The following WAPL variants were observed in gnomAD, a reference collection of about 807,000 sequenced individuals.
WAPL encodes the protein wings apart-like protein homolog.
In WAPL, 5 loss-of-function variants were observed where a neutral mutation model predicts 121.0. The observed-to-expected ratio is 0.04, with a 90% CI of 0.02 to 0.09. The LOEUF (loss-of-function observed/expected upper bound fraction) is 0.09, where lower values mean the gene tolerates loss of function less well. Ranked by LOEUF, WAPL falls within the 10% of genes least tolerant of loss-of-function variation. WAPL has a pLI of 1.00. For missense variants in WAPL, 999 were observed against 1,410.8 expected (o/e 0.71, Z 4.68); for synonymous variants, 480 against 481.5 (o/e 1.00, Z 0.04).
rs148929070 is a variant in WAPL at position 86,465,999 on chromosome 10, A to C, written c.2370+1280T>G. ...CTTCTACTGGCCTAGAAGTGGATGGAATCACCAATATGTGAATGGAACATA... is the reference window on the plus strand; with the variant it reads ...CTTCTACTGGCCTAGAAGTGGATGGCATCACCAATATGTGAATGGAACATA... On this transcript the variant is annotated intron_variant, in intron 9 of 18. Transcript: ENST00000298767. Among the ~76,000 whole-genome samples, 678 of 152,308 alleles carry C rather than the reference A, an allele frequency of 4.5e-3. 7 individuals carry two copies. The highest frequency in any genetic ancestry group is 0.017 in the Middle Eastern group (5 of 294).
intron 12 of WAPL, among the ~76,000 whole-genome samples, chr10:86,454,181 A>C (rs898126753): frequency 6.6e-6 from 1 of 152,258 alleles, no homozygotes; most frequent in African/African-American, 2.4e-5. Context: ...CTACATAACA[A>C]ATGTTAATGT....
intron 2 of WAPL, among the ~76,000 whole-genome samples, chr10:86,509,623 G>A (rs1842416768): frequency 6.6e-6 from 1 of 152,164 alleles, no homozygotes; most frequent in South Asian, 2.1e-4. Context: ...TAGCTGGAAG[G>A]AGGCATCCCC....
intron 17 of WAPL, among the ~76,000 whole-genome samples, chr10:86,442,037 C>CT (rs146316949): frequency 0.08 from 12,079 of 151,204 alleles, 869 homozygotes; most frequent in East Asian, 0.38. Context: ...TTCTTTTCTT[C>CT]TTTTTTTTTG....
Position 86,482,540 on chromosome 10 carries a change from C to A in WAPL, c.1645-8567G>T, listed in dbSNP as rs560902287. On this transcript the variant is annotated intron_variant, in intron 4 of 18. Coordinates refer to ENST00000298767, the MANE Select transcript of WAPL (RefSeq NM_015045.5). ...TCCACTAAAGAGAATCATTACTCCT[C>A]GGAGAATGGACCTGATCCCGAGCCT... is the stretch of plus-strand genomic sequence containing the variant. Among the ~76,000 whole-genome samples the A allele has an allele frequency of 5.3e-5, 8 of 152,270 alleles. No individual in the cohort carries two copies. In the East Asian group the frequency reaches 1.5e-3, roughly 29 times the overall value.
intron 2 of WAPL, among the ~76,000 whole-genome samples, chr10:86,510,482 A>G (rs1303040515): frequency 6.6e-6 from 1 of 152,246 alleles, no homozygotes; most frequent in East Asian, 1.9e-4. Context: ...TATCATGACC[A>G]GCAGAAGTCA....
Position 86,453,737 on chromosome 10 carries a change from C to G in WAPL, c.2752G>C (p.Val918Leu). 1 of 1,614,176 alleles carries G rather than the reference C, an allele frequency of 6.2e-7. No individual in the cohort carries two copies. The highest frequency in any genetic ancestry group is 8.5e-7 in the Non-Finnish European group (1 of 1,180,038). The change falls in exon 13 of 19, where the codon GTA becomes CTA. Residue 918 changes from valine to leucine, a missense_variant. Physicochemically the swap from Val to Leu is conservative, Grantham distance 32. This residue lies in a region of WAPL where 85 missense variants were observed against 133.5 expected (regional missense o/e 0.64). Transcript: ENST00000298767. ...ACTGCTTTGCCTACATGGTTAGTTA[C>G]ATTCTGGTGAGGCAGAGGCTTACTG... ...ADSKPLPHQN[V>L]TNHVGKAVED...
At position 86,458,977 on chromosome 10, in the gene WAPL, C is replaced by T. The variant is rs1841211237; in HGVS notation, c.2657+12G>A. 2 of 1,593,156 alleles carry T rather than the reference C, an allele frequency of 1.3e-6. No individual in the cohort carries two copies. The highest frequency in any genetic ancestry group is 1.3e-5 in the African/African-American group (1 of 74,150). ...ACAATGTTAGTTGTTAACTAATAAA[C>T]AAAAAACTTACTTAGCTGATGAAAC... On this transcript the variant is annotated intron_variant, in intron 12 of 18. Transcript: ENST00000298767.
chr10:86,471,166 T>C, intron 7 of WAPL, 63 bp from the exon 8 acceptor site: 2 of 1,366,452 alleles, frequency 1.5e-6, no homozygotes, highest in South Asian at 1.2e-5. Flanking sequence ...TTTGAGTTTG[T>C]GTAATACCAA....
intron 2 of WAPL, among the ~76,000 whole-genome samples, chr10:86,512,557 A>C (rs993793512): frequency 6.6e-6 from 1 of 152,214 alleles, no homozygotes; most frequent in South Asian, 2.1e-4. Flanking sequence ...TCAAACCATT[A>C]AGGAATACCT....
At chr10:86,441,361 G>C (rs531403406) in intron 17 of WAPL, among the ~76,000 whole-genome samples, 23 of 152,190 alleles carry the variant, frequency 1.5e-4, no homozygotes, top group African/African-American at 5.3e-4. Flanking sequence ...CTAGACATTT[G>C]TATTTCTCCT....
chr10:86,470,200 T>A (rs1239107635), intron 8 of WAPL, among the ~76,000 whole-genome samples: 3 of 151,998 alleles, frequency 2.0e-5, no homozygotes, highest in African/African-American at 7.2e-5. Context: ...ACCCAGCTAA[T>A]TTTTTGTATT....
At chr10:86,491,082 T>C (rs948140887) in intron 4 of WAPL, among the ~76,000 whole-genome samples, 4 of 145,172 alleles carry the variant, frequency 2.8e-5, no homozygotes, top group African/African-American at 1.0e-4. Context: ...AATAAATAAA[T>C]ACATACATAA....
At chr10:86,455,012 C>T (rs1841101990) in intron 12 of WAPL, among the ~76,000 whole-genome samples, 1 of 127,242 alleles carries the variant, frequency 7.9e-6, no homozygotes, top group Non-Finnish European at 1.8e-5. Context: ...GCCACCCCGT[C>T]CGGGAGGTGG....
At chr10:86,466,905 C>A in intron 9 of WAPL, 1 of 197,232 alleles carries the variant, frequency 5.1e-6, no homozygotes, top group Non-Finnish European at 1.0e-5. Flanking sequence ...TTCACCATGT[C>A]ACCCAAGACG....
chr10:86,466,728 ACT>A (rs1484121777), intron 9 of WAPL, among the ~76,000 whole-genome samples: 1 of 151,936 alleles, frequency 6.6e-6, no homozygotes, highest in Middle Eastern at 3.4e-3. Context: ...AGACAATCTC[ACT>A]CTGTCACCCA....
At chr10:86,466,332 G>A (rs888220438) in intron 9 of WAPL, among the ~76,000 whole-genome samples, 2 of 152,184 alleles carry the variant, frequency 1.3e-5, no homozygotes, top group Non-Finnish European at 2.9e-5. Flanking sequence ...AACACTTTGA[G>A]AGGCTGAAGG....
intron 2 of WAPL, among the ~76,000 whole-genome samples, chr10:86,516,266 T>C (rs930196247): frequency 2.6e-5 from 4 of 152,154 alleles, no homozygotes; most frequent in African/African-American, 7.2e-5. Flanking sequence ...CAAATTAGAA[T>C]TAACCCTGAG....
chr10:86,468,507 T>C (rs898606464), intron 8 of WAPL, among the ~76,000 whole-genome samples: 1 of 152,174 alleles, frequency 6.6e-6, no homozygotes, highest in Admixed American at 6.5e-5. Context: ...CTATTCTTTA[T>C]GATACAGCAG....
At position 86,453,431 on chromosome 10, in the gene WAPL, T is replaced by A. The variant is rs1841049355; in HGVS notation, c.2834-96A>T. 5.2e-6 allele frequency: 7 copies of A among 1,341,466 alleles called. No individual in the cohort carries two copies. The East Asian group carries it at 1.4e-4, about 27-fold the overall frequency. 83.1% of individuals were successfully genotyped at this position (1,341,466 alleles called of 1,614,324 possible). A position where few individuals can be genotyped will look rare whatever the true frequency, so the allele number is the denominator to read the frequency against. ...TAACATGGATATTAACTTAGAATTG[T>A]ATAGTCATTCCTCTATTGAAACATA... On this transcript the variant is annotated intron_variant, in intron 13 of 18. Coordinates refer to ENST00000298767, the MANE Select transcript of WAPL (RefSeq NM_015045.5).
Sources: gnomAD v4.1 joint callset for allele counts (sites outside exome capture counted in the v4.1 genomes callset) on GRCh38, gnomAD v4.1.1 for gene constraint, gnomAD v4.1.1 regional missense constraint, MANE v1.5 for transcripts, NCBI Gene and HGNC (gene_info 2026-07-23, HGNC 2026-07-21) for gene names.